Variants in INO80D observed in about 807,000 individuals in gnomAD.
INO80D encodes the protein INO80 complex subunit D.
Under a neutral mutation model 87.6 loss-of-function variants are expected in INO80D, and 21 were observed. The observed-to-expected ratio is 0.24, with a 90% CI of 0.17 to 0.35. The LOEUF (loss-of-function observed/expected upper bound fraction) is 0.35, where lower values mean the gene tolerates loss of function less well. INO80D is among the 10% of genes least tolerant of loss of function. The probability of loss-of-function intolerance (pLI) is 1.00; values close to 1 mark genes in which losing one functional copy is unlikely to be tolerated. For synonymous variants in INO80D, 440 were observed against 491.0 expected, an observed-to-expected ratio of 0.90 and a Z score of 1.37; for missense variants, 982 against 1,280.7, an observed-to-expected ratio of 0.77 and a Z score of 3.56.
chr2:206,082,629 T>C (rs1305298322), intron 1 of INO80D, among the ~76,000 whole-genome samples: 1 of 152,166 alleles, frequency 6.6e-6, no homozygotes, highest in African/African-American at 2.4e-5. Flanking sequence ...GTCTCACCTA[T>C]TCAACCATTG....
chr2:206,029,424 T>C (rs1688704330), intron 5 of INO80D, among the ~76,000 whole-genome samples: 1 of 152,200 alleles, frequency 6.6e-6, no homozygotes, highest in South Asian at 2.1e-4. Context: ...ACAAATGTGA[T>C]CTTACTTTTT....
At chr2:206,016,099 T>C (rs1002517236) in intron 8 of INO80D, among the ~76,000 whole-genome samples, 1 of 152,114 alleles carries the variant, frequency 6.6e-6, no homozygotes, top group African/African-American at 2.4e-5. Context: ...TACTGACAGC[T>C]TGCACCATGC....
In INO80D at chr2:206,007,433, G is replaced by T. The variant is rs201095464; in HGVS notation, c.1769C>A (p.Ser590Tyr). ...CTCATCAGCACTCAGCTCTGGCGTG[G>T]ATGGGCTCCTGGGAAAGAGGACACT... Reference protein sequence around the residue: ...PVEASHIRSPSTPELSADELP... With the variant: ...PVEASHIRSPYTPELSADELP... Residue 590 changes from serine (S) to tyrosine (Y), a missense_variant, in exon 10 of 11, where the codon TCC becomes TAC. Ser to Tyr is a moderately radical substitution (Grantham distance 144). Coordinates refer to ENST00000403263, the MANE Select transcript of INO80D (RefSeq NM_017759.5). The T allele has an allele frequency of 1.2e-6, 2 of 1,608,636 alleles. No homozygotes were observed. Among genetic ancestry groups the T allele is most frequent in the Non-Finnish European group, 1.7e-6 (2 of 1,177,904 alleles).
intron 5 of INO80D, among the ~76,000 whole-genome samples, chr2:206,036,239 G>A (rs1162881829): frequency 4.6e-5 from 7 of 152,028 alleles, no homozygotes; most frequent in Non-Finnish European, 8.8e-5. Flanking sequence ...CCCACTACCG[G>A]GTACCCACCC....
chr2:206,008,994 T>C (rs1161179566), intron 9 of INO80D, among the ~76,000 whole-genome samples: 2 of 152,334 alleles, frequency 1.3e-5, no homozygotes, highest in East Asian at 3.9e-4. Flanking sequence ...TTGGAACATA[T>C]ATGGAATTTC....
intron 5 of INO80D, among the ~76,000 whole-genome samples, chr2:206,035,800 GT>G (rs1688876702): frequency 6.6e-6 from 1 of 152,136 alleles, no homozygotes; most frequent in South Asian, 2.1e-4. Context: ...AACCCACAGA[GT>G]GGGAGAAACT....
At chr2:206,052,622 T>C (rs1689404477) in intron 4 of INO80D, among the ~76,000 whole-genome samples, 2 of 151,704 alleles carry the variant, frequency 1.3e-5, no homozygotes. Context: ...CCCATCTCTA[T>C]CAAAAAATCT....
rs1687966482 is a variant in INO80D, at chr2:206,004,411, G to C, written c.3041C>G (p.Thr1014Arg). The C allele has an allele frequency of 2.5e-6, 4 of 1,603,160 alleles. No individual in the cohort carries two copies. In the African/African-American group the frequency reaches 4.0e-5, roughly 16 times the overall value. Residue 1014 changes from threonine to arginine, a missense_variant, in exon 11 of 11, where the codon ACA becomes AGA. By Grantham distance (71) the Thr-to-Arg change is moderately conservative. Transcript: ENST00000403263. This position sits in a 1 kb window ranked among gnomAD's most constrained non-coding sequence, Gnocchi z 4.9. ...TGFTVTGATATSTNNASSPFP... is the reference protein window; with the variant it reads ...TGFTVTGATARSTNNASSPFP... ...GGGAGAAGATGCATTATTGGTACTT[G>C]TAGCTGTGGCACCTGTTACTGTGAA...
chr2:206,044,070 G>A (rs1338721863), intron 5 of INO80D, among the ~76,000 whole-genome samples: 2 of 152,100 alleles, frequency 1.3e-5, no homozygotes, highest in African/African-American at 2.4e-5. Context: ...GTGCACACCT[G>A]TAGTTCCAGC....
At chr2:206,064,976 G>A (rs1689775928) in intron 1 of INO80D, among the ~76,000 whole-genome samples, 1 of 151,978 alleles carries the variant, frequency 6.6e-6, no homozygotes. Context: ...AGAAAAAAAA[G>A]TTGGACTAGA....
chr2:206,029,258 G>C (rs1400408990), intron 5 of INO80D, among the ~76,000 whole-genome samples: 1 of 152,086 alleles, frequency 6.6e-6, no homozygotes, highest in Admixed American at 6.5e-5. Flanking sequence ...TTACATAAAG[G>C]ATTTTCCATC....
intron 1 of INO80D, among the ~76,000 whole-genome samples, chr2:206,066,469 GTA>G (rs905078858): frequency 6.6e-6 from 1 of 152,024 alleles, no homozygotes; most frequent in Non-Finnish European, 1.5e-5. Context: ...AGAAAATGTG[GTA>G]TATATACACA....
In INO80D at chr2:206,056,250, C is replaced by T. The variant is rs745996067; in HGVS notation, c.912G>A (p.Val304=). The change falls in exon 4 of 11, where the codon GTG becomes GTA. Residue 304 remains valine, a synonymous_variant. Coordinates refer to ENST00000403263, the MANE Select transcript of INO80D (RefSeq NM_017759.5). ...FSCISRLQRL[V]KLCTQKHQLD... Reference sequence around the variant, plus strand: ...ACTGATGTTTCTGGGTGCACAGTTTCACCAGTCTCTGCAGTCGGCTTATAC... The same window carrying T: ...ACTGATGTTTCTGGGTGCACAGTTTTACCAGTCTCTGCAGTCGGCTTATAC... 3.7e-6 allele frequency: 6 copies of T among 1,610,692 alleles called. No individual in the cohort carries two copies. Among genetic ancestry groups the T allele is most frequent in the South Asian group, 2.2e-5 (2 of 90,414 alleles).
rs1159014405 is a variant in INO80D at position 206,053,313 on chromosome 2, A to G, written c.964+2885T>C. ...ATTCAGCCATGACAAATTACACTGCATATGAAAAATTACCAACTTGAAAAT... is the reference window on the plus strand; with the variant it reads ...ATTCAGCCATGACAAATTACACTGCGTATGAAAAATTACCAACTTGAAAAT... On this transcript the variant is annotated intron_variant, in intron 4 of 10. Transcript: ENST00000403263. Among the ~76,000 whole-genome samples the G allele has an allele frequency of 3.3e-5, 5 of 152,336 alleles. No homozygotes were observed. In the East Asian group the frequency reaches 9.6e-4, roughly 29 times the overall value.
At chr2:206,079,790 C>T (rs552329779) in intron 1 of INO80D, among the ~76,000 whole-genome samples, 2 of 152,166 alleles carry the variant, frequency 1.3e-5, no homozygotes, top group African/African-American at 4.8e-5. Flanking sequence ...CACAGAAACT[C>T]CTTAGGACCT....
intron 4 of INO80D, among the ~76,000 whole-genome samples, chr2:206,047,595 G>T (rs1689231052): frequency 6.6e-6 from 1 of 151,876 alleles, no homozygotes; most frequent in Admixed American, 6.6e-5. Context: ...GGTGAGAAAA[G>T]AAGCTCGATA....
intron 6 of INO80D, among the ~76,000 whole-genome samples, chr2:206,021,892 G>T (rs1005032721): frequency 6.6e-6 from 1 of 152,024 alleles, no homozygotes; most frequent in African/African-American, 2.4e-5. Flanking sequence ...GGGATTACTG[G>T]CATGAGTCAC....
chr2:206,056,761 G>A lies in INO80D; in HGVS notation c.401C>T (p.Pro134Leu), dbSNP rs773860708. 2 of 1,612,840 alleles carry A rather than the reference G, an allele frequency of 1.2e-6. No individual in the cohort carries two copies. The highest frequency in any genetic ancestry group is 1.7e-6 in the Non-Finnish European group (2 of 1,179,342). The change falls in exon 4 of 11, where the codon CCT (proline) becomes CTT (leucine). Residue 134 changes from proline to leucine, a missense_variant. Pro to Leu is a moderately conservative substitution (Grantham distance 98). Coordinates refer to ENST00000403263, the MANE Select transcript of INO80D (RefSeq NM_017759.5). ...GTAGTGGAGAGGGACCCTTGCCCCA[G>A]GTGGAGAGAGGGACATTCCATCCAG... ...NGLDGMSLSP[P>L]GARVPLHYLE...
chr2:206,077,042 G>A (rs1486471439), intron 1 of INO80D, among the ~76,000 whole-genome samples: 1 of 152,192 alleles, frequency 6.6e-6, no homozygotes, highest in Non-Finnish European at 1.5e-5. Context: ...GGGAGGCCAA[G>A]GCGGGTGGAT....
Sources: allele counts gnomAD v4.1 joint callset (sites outside exome capture counted in the v4.1 genomes callset), GRCh38; gene constraint gnomAD v4.1.1; non-coding constraint Gnocchi (gnomAD v3.1); transcripts MANE v1.5; gene names NCBI Gene and HGNC (gene_info 2026-07-23, HGNC 2026-07-21).